Variants in ABCA2 observed in about 807,000 individuals in gnomAD.
ABCA2 encodes the protein ATP-binding cassette sub-family A member 2.
In ABCA2, 84 loss-of-function variants were observed where a neutral mutation model predicts 262.8. That is an observed-to-expected ratio of 0.32 (90% CI 0.27 to 0.38). The LOEUF (loss-of-function observed/expected upper bound fraction) is 0.38, where lower values mean the gene tolerates loss of function less well. Among genes scored for constraint, ABCA2 ranks in the 10% least tolerant of loss-of-function variants. The pLI, the probability that ABCA2 is intolerant of heterozygous loss-of-function variation, is 1.00. For missense variants in ABCA2, 2,662 were observed against 3,405.9 expected, an observed-to-expected ratio of 0.78 and a Z score of 5.44; for synonymous variants, 1,696 against 1,502.9, an observed-to-expected ratio of 1.13 and a Z score of -2.97.
Position 137,019,451 on chromosome 9 carries a change from G to C in ABCA2, c.1426-145C>G. Reference sequence around the variant, plus strand: ...TTTTTTTTTTTTTTTTCCTGAGACAGGGTCTCAGTCACCCACGCTGGAGTG... The same window carrying C: ...TTTTTTTTTTTTTTTTCCTGAGACACGGTCTCAGTCACCCACGCTGGAGTG... On this transcript the variant is annotated intron_variant, in intron 10 of 48. Transcript: ENST00000341511. The surrounding 1 kb of genome is among the most constrained non-coding windows in gnomAD (Gnocchi z 4.4). The C allele has an allele frequency of 1.0e-6, 1 of 962,596 alleles. No homozygotes were observed. The highest frequency in any genetic ancestry group is 1.7e-5 in the South Asian group (1 of 57,630). The allele number at this position is 962,596 out of a possible 1,614,324, so 59.6% of individuals were successfully genotyped here. A position where few individuals can be genotyped will look rare whatever the true frequency, so the allele number is the denominator to read the frequency against.
rs755873858 is a variant in ABCA2, at chr9:137,007,472, A to G, written c.*457T>C. The G allele has an allele frequency of 1.1e-4, 20 of 174,834 alleles. No homozygotes were observed. The highest frequency in any genetic ancestry group is 2.2e-4 in the Non-Finnish European group (18 of 80,496). 10.8% of individuals were successfully genotyped at this position (174,834 alleles called of 1,614,324 possible). ...CACCTCCCTGCAGGAGAGCAGGGCC[A>G]GAGGAGCCTCTTCTCAAAGCAAAAT... On this transcript the variant is annotated 3_prime_UTR_variant, in exon 49 of 49. Coordinates refer to ENST00000341511, the MANE Select transcript of ABCA2 (RefSeq NM_001606.5).
At position 137,020,686 on chromosome 9, in the gene ABCA2, C is replaced by T; in HGVS notation, c.1265+8G>A. The T allele has an allele frequency of 6.3e-7, 1 of 1,598,676 alleles. No individual in the cohort carries two copies. Among genetic ancestry groups the T allele is most frequent in the Non-Finnish European group, 8.5e-7 (1 of 1,179,348 alleles). On this transcript the variant is annotated splice_region_variant and intron_variant, in intron 9 of 48. Coordinates refer to ENST00000341511, the MANE Select transcript of ABCA2 (RefSeq NM_001606.5). ...CTCCTCACCCCCATTCCCCTGCCGC[C>T]CACCTACCGGTTGTTGCCACACAAG...
In ABCA2 at chr9:137,014,693, C is replaced by T. The variant is rs773321525; in HGVS notation, c.4000G>A (p.Ala1334Thr). 8 of 1,606,174 alleles carry T rather than the reference C, an allele frequency of 5.0e-6. No individual in the cohort carries two copies. The East Asian group carries it at 1.8e-4, about 36-fold the overall frequency. ...EEDQSLENSE[A>T]DVKESRKDVL... ...GCAAGTGGTCCAGGCCCCTCACCGG[C>T]CTCACTGTTCTCCAGCGACTGATCC... The change falls in exon 26 of 49, where the codon GCC (alanine) becomes ACC (threonine). Residue 1334 changes from alanine (A) to threonine (T), a missense_variant. Physicochemically the swap from Ala to Thr is moderately conservative, Grantham distance 58. Transcript: ENST00000341511.
At chr9:137,027,992 T>C (rs1408843541) in intron 1 of ABCA2, 83 bp downstream of exon 1, 2 of 781,260 alleles carry the variant, frequency 2.6e-6, no homozygotes, top group East Asian at 1.3e-4. Flanking sequence ...CGCCCGGCCG[T>C]CCGCACGTGC....
intron 31 of ABCA2, 36 bp downstream of exon 31, chr9:137,012,676 G>C: frequency 1.2e-6 from 2 of 1,610,774 alleles, no homozygotes; most frequent in Non-Finnish European, 1.7e-6. Flanking sequence ...GCTGGTGGCC[G>C]GCCACCCTCA....
Position 137,021,007 on chromosome 9 carries a change from G to T in ABCA2, c.952C>A (p.Arg318=), listed in dbSNP as rs540810773. 1.3e-6 allele frequency: 2 copies of T among 1,496,496 alleles called. No homozygotes were observed. Among genetic ancestry groups the T allele is most frequent in the East Asian group, 2.4e-5 (1 of 40,914 alleles). 92.7% of individuals were successfully genotyped at this position (1,496,496 alleles called of 1,614,324 possible). A position where few individuals can be genotyped will look rare whatever the true frequency, so the allele number is the denominator to read the frequency against. The change falls in exon 9 of 49, where the codon CGG becomes AGG. Residue 318 remains arginine (R), a synonymous_variant. Coordinates refer to ENST00000341511, the MANE Select transcript of ABCA2 (RefSeq NM_001606.5). The surrounding 1 kb of genome is among the most constrained non-coding windows in gnomAD (Gnocchi z 6.0). ...SDSSPQAPPP[R]RLQALLGDLL... is the part of the protein sequence containing the mutation. ...TCCCCCAGAAGCGCCTGCAGCCTCC[G>T]TGGGGGTGGCGCCTGTGGCGAGGAG...
rs1831250305 is a variant in ABCA2, at chr9:137,016,081, G to A, written c.3198C>T (p.Asn1066=). 1 of 1,612,752 alleles carries A rather than the reference G, an allele frequency of 6.2e-7. No homozygotes were observed. Among genetic ancestry groups the A allele is most frequent in the South Asian group, 1.1e-5 (1 of 91,090 alleles). Residue 1066 remains asparagine, a synonymous_variant, in exon 22 of 49, where the codon AAC becomes AAT. Transcript: ENST00000341511. ...IRTEMDEIRK[N]LGMCPQHNVL... ...CATTGTGCTGCGGGCACATGCCCAG[G>A]TTCTTGCGGATCTCATCCATCTCCG...
intron 17 of ABCA2, 39 bp from the exon 18 acceptor site, chr9:137,017,385 C>T (rs1831299834): frequency 6.2e-7 from 1 of 1,608,958 alleles, no homozygotes; most frequent in African/African-American, 1.3e-5. Context: ...CATCCACCCG[C>T]ACGCCCGGCC....
intron 2 of ABCA2, 29 bp downstream of exon 2, chr9:137,024,114 C>T (rs1394166895): frequency 2.5e-6 from 4 of 1,590,166 alleles, no homozygotes; most frequent in Non-Finnish European, 3.4e-6. Context: ...GCTCCCCCGG[C>T]TGTGCCTGGG....
At chr9:137,015,935 G>GCCCCGCC in intron 22 of ABCA2, 27 bp downstream of exon 22, 1 of 1,405,500 alleles carries the variant, frequency 7.1e-7, no homozygotes, top group Non-Finnish European at 9.4e-7. Flanking sequence ...CCGCCCACCT[G>GCCCCGCC]CCCCGCCCCC....
chr9:137,008,333 C>A (rs1830905442), intron 48 of ABCA2, 83 bp downstream of exon 48: 9 of 1,481,772 alleles, frequency 6.1e-6, no homozygotes, highest in South Asian at 6.1e-5. Flanking sequence ...AGTTCTCCCC[C>A]GACCCCACCC....
chr9:137,023,563 G>A, intron 3 of ABCA2: 1 of 751,318 alleles, frequency 1.3e-6, no homozygotes, highest in Non-Finnish European at 2.4e-6. Context: ...AGAAGCCGAG[G>A]CACCCCAGCC....
Position 137,018,715 on chromosome 9 carries a change from T to C in ABCA2, c.1819+4A>G, listed in dbSNP as rs986700869. The C allele has an allele frequency of 1.9e-5, 31 of 1,609,218 alleles. No homozygotes were observed. The highest frequency in any genetic ancestry group is 2.5e-5 in the Non-Finnish European group (29 of 1,179,178). ...GCTGGGGCGGGGCGGGGAGGGCAGC[T>C]CACTGGCAAAAACAGTGACGTTGTC... On this transcript the variant is annotated splice_donor_region_variant and intron_variant, in intron 13 of 48. Transcript: ENST00000341511.
Position 137,022,876 on chromosome 9 carries a change from G to A in ABCA2, c.276-11C>T. On this transcript the variant is annotated splice_polypyrimidine_tract_variant and intron_variant, in intron 4 of 48. Coordinates refer to ENST00000341511, the MANE Select transcript of ABCA2 (RefSeq NM_001606.5). ...AGCAGCTGCGTGACCCTGCACCATG[G>A]CGGATGTCACTCACTGGATGGGCTG... 1.3e-6 allele frequency: 2 copies of A among 1,576,424 alleles called. No individual in the cohort carries two copies. The highest frequency in any genetic ancestry group is 1.7e-6 in the Non-Finnish European group (2 of 1,160,452).
rs760731707 is a variant in ABCA2 at position 137,009,511 on chromosome 9, G to A, written c.6734+30C>T. ...ACCGGAAGGGGTGCTGTGGGGTGGG[G>A]GCACAAAGAGGGGGTGGGGGCGCCC... On this transcript the variant is annotated intron_variant, in intron 44 of 48. Transcript: ENST00000341511. 3.7e-6 allele frequency: 6 copies of A among 1,608,494 alleles called. No individual in the cohort carries two copies. The Admixed American group carries it at 8.3e-5, about 22-fold the overall frequency.
Position 137,018,219 on chromosome 9 carries a change from C to T in ABCA2, c.1952G>A (p.Gly651Asp). 2.5e-6 allele frequency: 4 copies of T among 1,611,422 alleles called. No homozygotes were observed. The highest frequency in any genetic ancestry group is 1.1e-5 in the South Asian group (1 of 91,028). The stretch of plus-strand genomic sequence containing the variant: ...GCCGTAGAGGAAGTAGAAGCGGCCG[C>T]CAGTATTGGGCCCAGGCCGCCAGTA... ...RAYWRPGPNT[G>D]GRFYFLYGFV... is the part of the protein sequence containing the mutation. Residue 651 changes from glycine to aspartate, a missense_variant, in exon 14 of 49, where the codon GGC (glycine) becomes GAC (aspartate). Gly to Asp is a moderately conservative substitution (Grantham distance 94, BLOSUM62 -1). Coordinates refer to ENST00000341511, the MANE Select transcript of ABCA2 (RefSeq NM_001606.5).
chr9:137,013,307 G>A lies in ABCA2; in HGVS notation c.4562C>T (p.Ser1521Leu), dbSNP rs1187029991. Reference protein sequence around the residue: ...EERREYRLRLSPDASPQQLVS... With the variant: ...EERREYRLRLLPDASPQQLVS... ...GAGCTGCTGGGGGCTGGCGTCGGGC[G>A]ATAGCCGCAGCCTGCGGGCACCGAC... The change falls in exon 30 of 49, where the codon TCG (serine) becomes TTG (leucine). Residue 1521 changes from serine (S) to leucine (L), a missense_variant. Ser to Leu is a moderately radical substitution (Grantham distance 145). Around this residue, in one of 12 missense-constraint regions of ABCA2, gnomAD observed 192 missense variants for 207.2 expected, o/e 0.93. Coordinates refer to ENST00000341511, the MANE Select transcript of ABCA2 (RefSeq NM_001606.5). The A allele has an allele frequency of 1.3e-6, 2 of 1,554,258 alleles. No homozygotes were observed. Among genetic ancestry groups the A allele is most frequent in the Non-Finnish European group, 1.7e-6 (2 of 1,156,386 alleles).
chr9:137,012,022 G>A lies in ABCA2; in HGVS notation c.5361-4C>T, dbSNP rs760611323. ...GACGACATCCGTGCCCTGCAGCCTGGGGCAAGGAAGCCCTCAGTCCTCACG... is the reference window on the plus strand; with the variant it reads ...GACGACATCCGTGCCCTGCAGCCTGAGGCAAGGAAGCCCTCAGTCCTCACG... On this transcript the variant is annotated splice_region_variant and splice_polypyrimidine_tract_variant and intron_variant, in intron 34 of 48. Coordinates refer to ENST00000341511, the MANE Select transcript of ABCA2 (RefSeq NM_001606.5). 2.5e-6 allele frequency: 4 copies of A among 1,612,130 alleles called. No individual in the cohort carries two copies. Among genetic ancestry groups the A allele is most frequent in the Non-Finnish European group, 3.4e-6 (4 of 1,179,644 alleles).
Position 137,022,063 on chromosome 9 carries a change from C to T in ABCA2, c.568-62G>A, listed in dbSNP as rs1831476693. 5.8e-4 allele frequency: 130 copies of T among 222,338 alleles called. No individual in the cohort carries two copies. The South Asian group carries it at 8.5e-3, about 15-fold the overall frequency. 13.8% of individuals were successfully genotyped at this position (222,338 alleles called of 1,614,324 possible). Reference sequence around the variant, plus strand: ...GGGGGCGTGGCTCAGATGGTGGGGGCGTGGCTCCGATGGACGTGTGGGGGC... The same window carrying T: ...GGGGGCGTGGCTCAGATGGTGGGGGTGTGGCTCCGATGGACGTGTGGGGGC... On this transcript the variant is annotated intron_variant, in intron 6 of 48. Coordinates refer to ENST00000341511, the MANE Select transcript of ABCA2 (RefSeq NM_001606.5).
Sources: allele counts gnomAD v4.1 joint callset, GRCh38; gene constraint gnomAD v4.1.1; regional missense constraint gnomAD v4.1.1; non-coding constraint Gnocchi (gnomAD v3.1); transcripts MANE v1.5; gene names NCBI Gene and HGNC (gene_info 2026-07-23, HGNC 2026-07-21).